The following MCC variants were observed in gnomAD, a reference collection of about 807,000 sequenced individuals.
MCC encodes the protein MCC regulator of Wnt signaling pathway.
In MCC, 90 loss-of-function variants were observed where a neutral mutation model predicts 116.2. That is an observed-to-expected ratio of 0.77 (90% CI 0.65 to 0.92). MCC has a LOEUF of 0.92. Ranked by LOEUF, MCC falls within the 40% of genes least tolerant of loss-of-function variation. MCC has a pLI of 0.00. For synonymous variants in MCC, 578 were observed against 510.5 expected (o/e 1.13, Z -1.78); for missense variants, 1,516 against 1,312.2 (o/e 1.16, Z -2.40).
intron 1 of MCC, among the ~76,000 whole-genome samples, chr5:113,465,837 G>C (rs188335213): frequency 2.4e-3 from 372 of 152,282 alleles, no homozygotes; most frequent in Non-Finnish European, 4.0e-3. Context: ...TGGAGATTTA[G>C]AAAGGTTATA....
At position 113,374,180 on chromosome 5, in the gene MCC, C is replaced by T. The variant is rs13185592; in HGVS notation, c.415+10788G>A. 9.3e-5 allele frequency among the ~76,000 whole-genome samples: 14 copies of T among 151,312 alleles called. No individual in the cohort carries two copies. The South Asian group carries it at 2.9e-3, about 32-fold the overall frequency. ...AGGCTGCGGTTACAGGCGTGAGCCA[C>T]GGTGCCCAGCCTGGGGCTTCTACTT... is the stretch of plus-strand genomic sequence containing the variant. On this transcript the variant is annotated intron_variant, in intron 2 of 18. Transcript: ENST00000408903.
At chr5:113,154,544 T>C (rs1424134431) in intron 3 of MCC, among the ~76,000 whole-genome samples, 3 of 152,190 alleles carry the variant, frequency 2.0e-5, no homozygotes, top group African/African-American at 7.2e-5. Context: ...TCAGTGGCAC[T>C]CCCTGTCCCA....
intron 1 of MCC, among the ~76,000 whole-genome samples, chr5:113,415,413 G>A (rs1770116494): frequency 6.6e-6 from 1 of 152,168 alleles, no homozygotes; most frequent in Admixed American, 6.5e-5. Flanking sequence ...CCAATCAAAT[G>A]TAGATTTGGT....
intron 1 of MCC, among the ~76,000 whole-genome samples, chr5:113,410,090 G>A (rs1030835942): frequency 2.0e-5 from 3 of 152,110 alleles, no homozygotes; most frequent in Non-Finnish European, 4.4e-5. Context: ...CTATGTCTCT[G>A]TCTCCGTATA....
At chr5:113,224,136 C>G (rs1763648446) in intron 3 of MCC, among the ~76,000 whole-genome samples, 1 of 152,108 alleles carries the variant, frequency 6.6e-6, no homozygotes, top group Non-Finnish European at 1.5e-5. Context: ...ACTCTGTCAC[C>G]CAGGCTGGAG....
chr5:113,083,652 A>G (rs1755013810), intron 10 of MCC, among the ~76,000 whole-genome samples: 1 of 152,234 alleles, frequency 6.6e-6, no homozygotes, highest in Non-Finnish European at 1.5e-5. Context: ...CTCTGGAACT[A>G]AAGTGAAGGT....
At chr5:113,405,914 G>A (rs1769819837) in intron 1 of MCC, among the ~76,000 whole-genome samples, 1 of 151,738 alleles carries the variant, frequency 6.6e-6, no homozygotes, top group Non-Finnish European at 1.5e-5. Context: ...TTTTCCTTTT[G>A]AGCATCACTC....
intron 6 of MCC, among the ~76,000 whole-genome samples, chr5:113,114,526 A>AC (rs1357477450): frequency 8.6e-6 from 1 of 115,734 alleles, no homozygotes; most frequent in Admixed American, 9.3e-5. Context: ...AGAACATGCA[A>AC]CCTTTTTTCC....
intron 3 of MCC, among the ~76,000 whole-genome samples, chr5:113,239,534 T>C (rs1442162037): frequency 6.6e-6 from 1 of 152,116 alleles, no homozygotes; most frequent in African/African-American, 2.4e-5. Context: ...CTGAAATCCA[T>C]TTGTGGATTT....
chr5:113,160,142 C>T (rs1348988503), intron 3 of MCC, among the ~76,000 whole-genome samples: 6 of 152,198 alleles, frequency 3.9e-5, no homozygotes, highest in Non-Finnish European at 7.3e-5. Context: ...ATATAGGGAA[C>T]AGTGCCAGAT....
intron 11 of MCC, among the ~76,000 whole-genome samples, chr5:113,072,555 T>C (rs536713237): frequency 3.9e-5 from 6 of 152,332 alleles, no homozygotes; most frequent in Non-Finnish European, 5.9e-5. Flanking sequence ...TCTGTTACTC[T>C]TTCCTTCTTA....
chr5:113,157,599 C>T (rs1760244753), intron 3 of MCC, among the ~76,000 whole-genome samples: 1 of 152,202 alleles, frequency 6.6e-6, no homozygotes, highest in African/African-American at 2.4e-5. Flanking sequence ...CTGGGGTAAA[C>T]TGTGCTTGTT....
At chr5:113,169,946 G>A (rs1291934292) in intron 3 of MCC, among the ~76,000 whole-genome samples, 1 of 152,154 alleles carries the variant, frequency 6.6e-6, no homozygotes, top group East Asian at 1.9e-4. Flanking sequence ...CAGCTTTTAT[G>A]CATTGCTCAA....
chr5:113,043,075 C>G (rs1022931298), intron 17 of MCC, among the ~76,000 whole-genome samples: 1 of 152,068 alleles, frequency 6.6e-6, no homozygotes, highest in African/African-American at 2.4e-5. Flanking sequence ...AGATAAAGAA[C>G]TGGGGGGCGG....
chr5:113,192,835 A>G (rs529321387), intron 3 of MCC, among the ~76,000 whole-genome samples: 1 of 152,360 alleles, frequency 6.6e-6, no homozygotes, highest in East Asian at 1.9e-4. Flanking sequence ...TAAGTAGTAG[A>G]TGTCAGTATG....
intron 3 of MCC, among the ~76,000 whole-genome samples, chr5:113,309,262 G>T (rs890435979): frequency 3.3e-5 from 5 of 152,158 alleles, no homozygotes; most frequent in African/African-American, 4.8e-5. Context: ...GTATAATGTG[G>T]AGTCTGGACT....
chr5:113,072,546 C>G (rs144583439), intron 11 of MCC, among the ~76,000 whole-genome samples: 1 of 152,224 alleles, frequency 6.6e-6, no homozygotes, highest in Non-Finnish European at 1.5e-5. Flanking sequence ...CCCCACTGAT[C>G]TGTTACTCTT....
intron 6 of MCC, 23 bp from the exon 7 acceptor site, chr5:113,104,378 TG>T: frequency 1.3e-6 from 2 of 1,584,148 alleles, no homozygotes; most frequent in Non-Finnish European, 1.7e-6. Context: ...GAAGACAAAA[TG>T]CGTTACACAG....
intron 2 of MCC, among the ~76,000 whole-genome samples, chr5:113,383,576 T>C (rs1365850790): frequency 6.6e-6 from 1 of 152,080 alleles, no homozygotes; most frequent in African/African-American, 2.4e-5. Context: ...ATATCAAACG[T>C]AGGCAGTAGT....
Sources: gnomAD v4.1 joint callset for allele counts (sites outside exome capture counted in the v4.1 genomes callset) on GRCh38, gnomAD v4.1.1 for gene constraint, MANE v1.5 for transcripts, NCBI Gene and HGNC (gene_info 2026-07-23, HGNC 2026-07-21) for gene names.